Variants in PRRC2B observed in about 807,000 individuals in gnomAD.
PRRC2B encodes protein PRRC2B.
In PRRC2B, 68 loss-of-function variants were observed where a neutral mutation model predicts 242.3. The observed-to-expected ratio is 0.28, with a 90% CI of 0.23 to 0.34. The LOEUF is 0.34. PRRC2B is among the 10% of genes least tolerant of loss of function. PRRC2B has a pLI of 1.00. For synonymous variants in PRRC2B, 1,228 were observed against 1,173.6 expected (o/e 1.05, Z -0.95); for missense variants, 2,835 against 2,954.8 (o/e 0.96, Z 0.94).
chr9:131,482,689 C>T lies in PRRC2B; in HGVS notation c.5176-21C>T, dbSNP rs746723652. ...GGTCATTCCAGTCTGTGTGTCTCCA[C>T]CTCTCTGCTTTTTTATCAAGGATTC... is the stretch of plus-strand genomic sequence containing the variant. On this transcript the variant is annotated intron_variant, in intron 21 of 31. Transcript: ENST00000683519. The surrounding 1 kb of genome is among the most constrained non-coding windows in gnomAD (Gnocchi z 5.2). 44 of 1,545,230 alleles carry T rather than the reference C, an allele frequency of 2.8e-5. No individual in the cohort carries two copies. The highest frequency in any genetic ancestry group is 3.7e-5 in the Non-Finnish European group (42 of 1,147,316).
At chr9:131,383,744 C>T (rs1372976660) in intron 1 of PRRC2B, among the ~76,000 whole-genome samples, 1 of 151,684 alleles carries the variant, frequency 6.6e-6, no homozygotes, top group East Asian at 1.9e-4. Flanking sequence ...GCCTCAGCCT[C>T]CCAAATAGCT....
chr9:131,489,254 G>T (rs1382485948), intron 28 of PRRC2B, among the ~76,000 whole-genome samples: 2 of 147,962 alleles, frequency 1.4e-5, no homozygotes, highest in Non-Finnish European at 3.0e-5. Context: ...GCGCAATCTC[G>T]GCTCACTGCA....
intron 5 of PRRC2B, 117 bp downstream of exon 5, chr9:131,439,178 A>G (rs1564284349): frequency 1.2e-6 from 1 of 807,428 alleles, no homozygotes; most frequent in Non-Finnish European, 2.1e-6. Context: ...CTCTTCCACA[A>G]AGAGGTACCG....
intron 1 of PRRC2B, among the ~76,000 whole-genome samples, chr9:131,407,662 A>T (rs898578185): frequency 2.0e-5 from 3 of 151,994 alleles, no homozygotes; most frequent in African/African-American, 7.3e-5. Context: ...CAGCCCTTTT[A>T]GCTCCCACTT....
chr9:131,425,050 T>C (rs1837942134), intron 1 of PRRC2B, among the ~76,000 whole-genome samples: 1 of 152,162 alleles, frequency 6.6e-6, no homozygotes, highest in Admixed American at 6.5e-5. Context: ...CACTGCAGCC[T>C]CTGCCTCCTG....
intron 19 of PRRC2B, 38 bp from the exon 20 acceptor site, chr9:131,481,688 C>T (rs1233840739): frequency 2.0e-6 from 3 of 1,500,350 alleles, no homozygotes; most frequent in Non-Finnish European, 1.8e-6. Flanking sequence ...AGACGGGTTG[C>T]TCTTTGATGC....
intron 6 of PRRC2B, among the ~76,000 whole-genome samples, chr9:131,445,711 G>T (rs1838779154): frequency 6.6e-6 from 1 of 152,176 alleles, no homozygotes; most frequent in Admixed American, 6.5e-5. Flanking sequence ...GTAACTCAGA[G>T]ACCTTTGTGC....
intron 10 of PRRC2B, among the ~76,000 whole-genome samples, chr9:131,457,971 C>G (rs553636063): frequency 6.6e-6 from 1 of 152,114 alleles, no homozygotes. Context: ...CCCTGATTCC[C>G]GCTTTTCTCT....
chr9:131,380,565 CA>C (rs1166670806), intron 1 of PRRC2B, among the ~76,000 whole-genome samples: 4 of 145,404 alleles, frequency 2.8e-5, no homozygotes, highest in Non-Finnish European at 4.5e-5. Flanking sequence ...CAAAACAGAG[CA>C]AAAACTCCGC....
intron 1 of PRRC2B, among the ~76,000 whole-genome samples, chr9:131,422,984 G>T (rs1837883615): frequency 6.6e-6 from 1 of 152,182 alleles, no homozygotes; most frequent in African/African-American, 2.4e-5. Context: ...CAGTGTCTCT[G>T]AGTGGCTTCT....
intron 1 of PRRC2B, among the ~76,000 whole-genome samples, chr9:131,404,459 C>A (rs866991270): frequency 2.6e-5 from 4 of 151,990 alleles, no homozygotes; most frequent in Non-Finnish European, 4.4e-5. Flanking sequence ...TGACCTCAGG[C>A]GAGCCACCCG....
At position 131,475,572 on chromosome 9, in the gene PRRC2B, G is replaced by T. The variant is rs761299154; in HGVS notation, c.3443G>T (p.Arg1148Leu). 3.1e-6 allele frequency: 5 copies of T among 1,612,654 alleles called. No homozygotes were observed. The highest frequency in any genetic ancestry group is 4.2e-6 in the Non-Finnish European group (5 of 1,179,802). The change falls in exon 16 of 32, where the codon CGC (arginine) becomes CTC (leucine). Residue 1148 changes from arginine (R) to leucine (L), a missense_variant. This residue lies in a region of PRRC2B where 1,536 missense variants were observed against 1,483.1 expected (regional missense o/e 1.04). Transcript: ENST00000683519. The part of the protein sequence containing the change: ...GSEYEELPKR[R>L]RQRGSENGNE... ...GAGTATGAAGAACTTCCCAAGCGCC[G>T]CCGGCAGAGGGGCTCCGAGAACGGG...
chr9:131,432,436 T>C lies in PRRC2B; in HGVS notation c.116-181T>C, dbSNP rs576120976. ...TCCCTGTAGTCTTCAGTGAAGAGCT[T>C]GTAAAGTGACTAAAGTGACACCAAA... On this transcript the variant is annotated intron_variant, in intron 2 of 31. Transcript: ENST00000683519. Among the ~76,000 whole-genome samples, 7 of 152,332 alleles carry C rather than the reference T, an allele frequency of 4.6e-5. No homozygotes were observed. The East Asian group carries it at 1.4e-3, about 29-fold the overall frequency.
rs376765414 is a variant in PRRC2B, at chr9:131,447,780, G to A, written c.1096G>A (p.Ala366Thr). The part of the protein sequence containing the change: ...ENLKGLDDLD[A>T]DADDGWAGLH... ...CCTGAAGGGCCTTGACGATCTGGAC[G>A]CCGATGCCGATGATGGCTGGGCAGG... The change falls in exon 9 of 32, where the codon GCC becomes ACC. Residue 366 changes from alanine (A) to threonine (T), a missense_variant. Ala to Thr is a moderately conservative substitution (Grantham distance 58, BLOSUM62 0). Around this residue, in one of 7 missense-constraint regions of PRRC2B, gnomAD observed 626 missense variants for 685.5 expected, o/e 0.91. Coordinates refer to ENST00000683519, the MANE Select transcript of PRRC2B (RefSeq NM_013318.4). 9 of 1,613,076 alleles carry A rather than the reference G, an allele frequency of 5.6e-6. No homozygotes were observed. The highest frequency in any genetic ancestry group is 2.2e-5 in the East Asian group (1 of 44,872).
chr9:131,453,141 G>A (rs994091706), intron 9 of PRRC2B, among the ~76,000 whole-genome samples: 33 of 152,238 alleles, frequency 2.2e-4, no homozygotes, highest in African/African-American at 7.7e-4. Context: ...ATGCCTTTCT[G>A]GTGTGTTTCC....
At chr9:131,426,792 T>C (rs1356031162) in intron 1 of PRRC2B, among the ~76,000 whole-genome samples, 1 of 152,190 alleles carries the variant, frequency 6.6e-6, no homozygotes, top group Non-Finnish European at 1.5e-5. Flanking sequence ...CAGACTCTCT[T>C]ACGCCCTCTA....
chr9:131,485,857 C>G (rs1944006864), intron 25 of PRRC2B: 2 of 732,808 alleles, frequency 2.7e-6, no homozygotes, highest in Non-Finnish European at 5.0e-6. Flanking sequence ...CTCCCTCCTC[C>G]TAGGTCTGAC....
At chr9:131,437,686 C>A (rs1047226712) in intron 4 of PRRC2B, among the ~76,000 whole-genome samples, 1 of 152,252 alleles carries the variant, frequency 6.6e-6, no homozygotes, top group Admixed American at 6.5e-5. Context: ...CCTCTCCCCA[C>A]CTAACACTGA....
rs1178611213 is a variant in PRRC2B, at chr9:131,383,714, T to TGGGTTC, written c.-56+9984_-56+9989dup. Among the ~76,000 whole-genome samples the TGGGTTC allele has an allele frequency of 2.0e-5, 3 of 148,310 alleles. No homozygotes were observed. In the East Asian group the frequency reaches 6.3e-4, roughly 31 times the overall value. On this transcript the variant is annotated intron_variant, in intron 1 of 1. Transcript: ENST00000682525. Reference sequence around the variant, plus strand: ...TCGGCTTACTGCAACCTCCGCCTCATGGGTTCAAATGATTCTCCAGCCTCA... The same window carrying TGGGTTC: ...TCGGCTTACTGCAACCTCCGCCTCATGGGTTCGGGTTCAAATGATTCTCCAGCCTCA...
Sources: allele counts gnomAD v4.1 joint callset (sites outside exome capture counted in the v4.1 genomes callset), GRCh38; gene constraint gnomAD v4.1.1; regional missense constraint gnomAD v4.1.1; non-coding constraint Gnocchi (gnomAD v3.1); transcripts MANE v1.5; gene names NCBI Gene and HGNC (gene_info 2026-07-23, HGNC 2026-07-21).